GPR160: variants seen among roughly 807,000 people sequenced by gnomAD.
The protein encoded by GPR160 is probable G protein-coupled receptor 160.
Under a neutral mutation model 2.6 loss-of-function variants are expected in GPR160, and 2 were observed. The ratio of observed to expected loss-of-function variants is 0.77; its 90% confidence interval spans 0.32 to 2.44. GPR160 has a LOEUF of 2.44. Ranked by LOEUF, GPR160 falls within the 30% of genes most tolerant of loss-of-function variation. GPR160 has a pLI of 0.11. For missense variants in GPR160, 351 were observed against 383.6 expected, an observed-to-expected ratio of 0.91 and a Z score of 0.71; for synonymous variants, 130 against 132.2, an observed-to-expected ratio of 0.98 and a Z score of 0.12.
chr3:170,048,106 G>A (rs1716806220), intron 2 of GPR160, among the ~76,000 whole-genome samples: 1 of 152,236 alleles, frequency 6.6e-6, no homozygotes, highest in African/African-American at 2.4e-5. Flanking sequence ...TGGGATTACA[G>A]GCGTGAGCCA....
intron 2 of GPR160, among the ~76,000 whole-genome samples, chr3:170,052,462 G>C (rs1445844373): frequency 1.3e-5 from 2 of 152,176 alleles, no homozygotes; most frequent in Non-Finnish European, 2.9e-5. Flanking sequence ...ATTTTAATTA[G>C]CTTTATCCTG....
intron 2 of GPR160, among the ~76,000 whole-genome samples, chr3:170,075,116 T>C (rs1456233965): frequency 2.0e-5 from 3 of 152,116 alleles, no homozygotes; most frequent in Non-Finnish European, 2.9e-5. Context: ...TAATCCCTGC[T>C]ACTTAGCAGG....
rs1198925599 is a variant in GPR160 at position 170,047,087 on chromosome 3, G to C, written c.-193+8044G>C. ...GCCCTTGCCTGGTCCCCTTCAGCAG[G>C]GGGCAGTGGGAGGAAGAGAGGCAGT... is the stretch of plus-strand genomic sequence containing the variant. On this transcript the variant is annotated intron_variant, in intron 2 of 3. Transcript: ENST00000355897. 2.0e-5 allele frequency among the ~76,000 whole-genome samples: 3 copies of C among 152,118 alleles called. No individual in the cohort carries two copies. The East Asian group carries it at 5.8e-4, about 29-fold the overall frequency.
At chr3:170,079,207 C>T (rs996829074) in intron 2 of GPR160, among the ~76,000 whole-genome samples, 1 of 152,212 alleles carries the variant, frequency 6.6e-6, no homozygotes, top group African/African-American at 2.4e-5. Flanking sequence ...TGGGCAGCCC[C>T]CTAGCTGCTG....
chr3:170,061,685 A>G (rs1316330920), intron 2 of GPR160, among the ~76,000 whole-genome samples: 7 of 152,174 alleles, frequency 4.6e-5, no homozygotes, highest in Admixed American at 2.0e-4. Context: ...ACACTTTGGT[A>G]TATTTCCATC....
Position 170,085,035 on chromosome 3 carries a change from GA to G in GPR160, c.*48del. ...AGCTGTCATAAGATCATAATTTTAT[GA>G]ACAGAAAGAACTCAGGACATATTAA... is the stretch of plus-strand genomic sequence containing the variant. On this transcript the variant is annotated 3_prime_UTR_variant, in exon 4 of 4. Coordinates refer to ENST00000355897, the MANE Select transcript of GPR160 (RefSeq NM_014373.3). 1.9e-6 allele frequency: 2 copies of G among 1,030,538 alleles called. No homozygotes were observed. Among genetic ancestry groups the G allele is most frequent in the Non-Finnish European group, 2.8e-6 (2 of 724,514 alleles). The allele number at this position is 1,030,538 out of a possible 1,614,324, so 63.8% of individuals were successfully genotyped here. A position where few individuals can be genotyped will look rare whatever the true frequency, so the allele number is the denominator to read the frequency against.
chr3:170,055,423 T>C (rs1711588309), intron 2 of GPR160, among the ~76,000 whole-genome samples: 2 of 152,200 alleles, frequency 1.3e-5, no homozygotes, highest in Non-Finnish European at 2.9e-5. Flanking sequence ...AAGAATGTCA[T>C]AACCTCTCTG....
At chr3:170,042,420 CAAAAA>C (rs34452268) in intron 2 of GPR160, among the ~76,000 whole-genome samples, 2 of 103,926 alleles carry the variant, frequency 1.9e-5, no homozygotes, top group East Asian at 2.5e-4. Flanking sequence ...GATACTGCCT[CAAAAA>C]AAAAAAAAAA....
intron 2 of GPR160, among the ~76,000 whole-genome samples, chr3:170,056,695 T>C (rs1248573106): frequency 6.6e-6 from 1 of 152,194 alleles, no homozygotes; most frequent in Non-Finnish European, 1.5e-5. Flanking sequence ...CAAAATAACC[T>C]GCATTAATGG....
chr3:170,044,405 T>C (rs1275198110), intron 2 of GPR160, among the ~76,000 whole-genome samples: 1 of 151,520 alleles, frequency 6.6e-6, no homozygotes, highest in African/African-American at 2.4e-5. Flanking sequence ...TTAGTCTCAG[T>C]GCTTCTCTGT....
intron 2 of GPR160, among the ~76,000 whole-genome samples, chr3:170,058,741 G>A (rs1265491561): frequency 1.3e-5 from 2 of 152,144 alleles, no homozygotes; most frequent in African/African-American, 4.8e-5. Context: ...CAAAGAATAT[G>A]TACAGAAGGT....
At chr3:170,065,849 GA>G (rs1392785775) in intron 2 of GPR160, among the ~76,000 whole-genome samples, 2 of 151,480 alleles carry the variant, frequency 1.3e-5, no homozygotes, top group African/African-American at 4.9e-5. Context: ...TTCATAGTAG[GA>G]AAAAAAATGT....
chr3:170,084,568 C>T lies in GPR160; in HGVS notation c.596C>T (p.Thr199Ile). Residue 199 changes from threonine to isoleucine, a missense_variant, in exon 4 of 4, where the codon ACC becomes ATC. Coordinates refer to ENST00000355897, the MANE Select transcript of GPR160 (RefSeq NM_014373.3). The stretch of plus-strand genomic sequence containing the variant: ...ATGATTTTATTTGTAGCTTTCATAA[C>T]CTGTTGGGAAGAAGTTACTACTTTG... ...MVMILFVAFI[T>I]CWEEVTTLVQ... 8 of 1,612,446 alleles carry T rather than the reference C, an allele frequency of 5.0e-6. No homozygotes were observed. Among genetic ancestry groups the T allele is most frequent in the Non-Finnish European group, 5.9e-6 (7 of 1,178,524 alleles).
intron 2 of GPR160, among the ~76,000 whole-genome samples, chr3:170,040,311 G>A (rs879040091): frequency 1.3e-5 from 2 of 152,162 alleles, no homozygotes; most frequent in Admixed American, 1.3e-4. Context: ...GAGCTTTTTT[G>A]CATAAGGTAG....
chr3:170,066,210 G>A (rs1444575416), intron 2 of GPR160, among the ~76,000 whole-genome samples: 7 of 120,542 alleles, frequency 5.8e-5, no homozygotes, highest in South Asian at 2.6e-4. Context: ...GCACGATCTC[G>A]GCTCCCTGCA....
chr3:170,048,821 C>A (rs992266932), intron 2 of GPR160, among the ~76,000 whole-genome samples: 2 of 152,180 alleles, frequency 1.3e-5, no homozygotes, highest in Non-Finnish European at 2.9e-5. Context: ...TTGCTCCATG[C>A]GTGGCCTGTC....
intron 2 of GPR160, among the ~76,000 whole-genome samples, chr3:170,055,779 T>C (rs528052983): frequency 6.6e-6 from 1 of 151,024 alleles, no homozygotes; most frequent in African/African-American, 2.5e-5. Context: ...GGACTGCAGG[T>C]GTCTGCCACA....
Position 170,085,067 on chromosome 3 carries a change from A to G in GPR160, c.*78A>G. 6.6e-6 allele frequency: 5 copies of G among 761,026 alleles called. No homozygotes were observed. The highest frequency in any genetic ancestry group is 9.7e-6 in the Non-Finnish European group (5 of 513,566). 47.1% of individuals were successfully genotyped at this position (761,026 alleles called of 1,614,324 possible). A position where few individuals can be genotyped will look rare whatever the true frequency, so the allele number is the denominator to read the frequency against. The stretch of plus-strand genomic sequence containing the variant: ...AAGAACTCAGGACATATTAAAAAAT[A>G]AACTGAACTAAAACAACTTTTGCCC... On this transcript the variant is annotated 3_prime_UTR_variant, in exon 4 of 4. Coordinates refer to ENST00000355897, the MANE Select transcript of GPR160 (RefSeq NM_014373.3).
rs554136784 is a variant in GPR160 at position 170,067,592 on chromosome 3, C to T, written c.-192-12182C>T. Among the ~76,000 whole-genome samples the T allele has an allele frequency of 3.9e-5, 6 of 152,256 alleles. No homozygotes were observed. In the South Asian group the frequency reaches 1.2e-3, roughly 32 times the overall value. Reference sequence around the variant, plus strand: ...ATGTCACCACCTCTCAGGTAAAGAGCAGGAACTTTGCTCCAATAGGCCCCT... The same window carrying T: ...ATGTCACCACCTCTCAGGTAAAGAGTAGGAACTTTGCTCCAATAGGCCCCT... On this transcript the variant is annotated intron_variant, in intron 2 of 3. Transcript: ENST00000355897.
Sources: gnomAD v4.1 joint callset for allele counts (sites outside exome capture counted in the v4.1 genomes callset) on GRCh38, gnomAD v4.1.1 for gene constraint, MANE v1.5 for transcripts, NCBI Gene and HGNC (gene_info 2026-07-23, HGNC 2026-07-21) for gene names.